Variants in NRP1 observed in about 807,000 individuals in gnomAD.
NRP1 encodes neuropilin-1.
A neutral mutation model predicts 106.7 loss-of-function variants in NRP1; 35 were observed. The observed-to-expected ratio is 0.33, with a 90% CI of 0.25 to 0.43. NRP1 has a LOEUF of 0.43. NRP1 is among the 20% of genes least tolerant of loss of function. NRP1 has a pLI of 1.00. For synonymous variants in NRP1, 437 were observed against 417.9 expected (o/e 1.05, Z -0.56); for missense variants, 1,024 against 1,170.4 (o/e 0.87, Z 1.83).
chr10:33,319,124 C>A (rs1212483498), intron 2 of NRP1, among the ~76,000 whole-genome samples: 2 of 151,430 alleles, frequency 1.3e-5, no homozygotes, highest in Non-Finnish European at 2.9e-5. Context: ...CCTGCCTCAG[C>A]CTCCCCAGTA....
Position 33,269,123 on chromosome 10 carries a change from C to T in NRP1, c.430+1552G>A, listed in dbSNP as rs544217500. 4.9e-4 allele frequency among the ~76,000 whole-genome samples: 75 copies of T among 152,204 alleles called. 1 individual carries two copies. The highest frequency in any genetic ancestry group is 1.7e-3 in the African/African-American group (69 of 41,536). Reference sequence around the variant, plus strand: ...GTATTCCAAGACAATACATTCAAATCTTGATCCTCTTTCCCTGGATTGGTT... The same window carrying T: ...GTATTCCAAGACAATACATTCAAATTTTGATCCTCTTTCCCTGGATTGGTT... On this transcript the variant is annotated intron_variant, in intron 3 of 16. Transcript: ENST00000374867.
rs367813664 is a variant in NRP1, at chr10:33,202,955, C to T, written c.1800G>A (p.Val600=). The T allele has an allele frequency of 2.0e-5, 33 of 1,614,162 alleles. No homozygotes were observed. The East Asian group carries it at 5.8e-4, about 28-fold the overall frequency. ...AGPTTPNGNL[V]DECDDDQANC... is the part of the protein sequence containing the mutation. ...TGGCCTGGTCGTCATCACATTCATC[C>T]ACCAAGTTCCCGTTGGGAGTGGTCG... The change falls in exon 11 of 17, where the codon GTG becomes GTA. Residue 600 remains valine (V), a synonymous_variant. Transcript: ENST00000374867.
chr10:33,193,910 T>A (rs1271051783), intron 12 of NRP1, among the ~76,000 whole-genome samples: 2 of 152,198 alleles, frequency 1.3e-5, no homozygotes, highest in East Asian at 3.9e-4. Flanking sequence ...GTTTGGATTC[T>A]CCCAATGATA....
chr10:33,267,669 G>T (rs1182465407), intron 3 of NRP1, among the ~76,000 whole-genome samples: 1 of 152,108 alleles, frequency 6.6e-6, no homozygotes. Flanking sequence ...AAGACCAAGG[G>T]AAGGATGGGA....
chr10:33,249,269 G>A, intron 6 of NRP1: 1 of 302,560 alleles, frequency 3.3e-6, no homozygotes, highest in Non-Finnish European at 6.5e-6. Flanking sequence ...TGCTTTGCGT[G>A]TCAATGGCTA....
Position 33,207,664 on chromosome 10 carries a change from G to A in NRP1, c.1667C>T (p.Ala556Val). Reference sequence around the variant, plus strand: ...GATCCTGATGAATCGCGTGGAGAGAGCTGGAAAAGTCCGCAGCTCAGGTGT... The same window carrying A: ...GATCCTGATGAATCGCGTGGAGAGAACTGGAAAAGTCCGCAGCTCAGGTGT... ...YDTPELRTFP[A>V]LSTRFIRIYP... Residue 556 changes from alanine to valine, a missense_variant, in exon 10 of 17, where the codon GCT becomes GTT. Physicochemically the swap from Ala to Val is moderately conservative, Grantham distance 64. Around this residue, in one of 5 missense-constraint regions of NRP1, gnomAD observed 562 missense variants for 620.3 expected, o/e 0.91. Coordinates refer to ENST00000374867, the MANE Select transcript of NRP1 (RefSeq NM_003873.7). 6.2e-7 allele frequency: 1 copy of A among 1,614,106 alleles called. No individual in the cohort carries two copies.
intron 2 of NRP1, among the ~76,000 whole-genome samples, chr10:33,279,930 A>G (rs1308567248): frequency 6.6e-6 from 1 of 152,160 alleles, no homozygotes; most frequent in Non-Finnish European, 1.5e-5. Flanking sequence ...CTCTGAGCCT[A>G]TAGGCATTGT....
intron 2 of NRP1, among the ~76,000 whole-genome samples, chr10:33,277,127 A>G (rs1003933100): frequency 6.6e-6 from 1 of 151,296 alleles, no homozygotes; most frequent in African/African-American, 2.4e-5. Flanking sequence ...AAAAAAAAAG[A>G]AAAAAAATTG....
At chr10:33,300,362 C>T (rs982998351) in intron 2 of NRP1, among the ~76,000 whole-genome samples, 26 of 152,232 alleles carry the variant, frequency 1.7e-4, no homozygotes, top group African/African-American at 5.3e-4. Context: ...TCAGAAAGAA[C>T]TCAGGTACAA....
At chr10:33,190,912 GGT>G (rs1483111745) in intron 13 of NRP1, among the ~76,000 whole-genome samples, 30 of 152,012 alleles carry the variant, frequency 2.0e-4, no homozygotes, top group Non-Finnish European at 3.4e-4. Flanking sequence ...GGAGTGCAAT[GGT>G]GTGATCATAG....
chr10:33,260,191 T>A (rs984076850), intron 4 of NRP1, among the ~76,000 whole-genome samples: 4 of 152,140 alleles, frequency 2.6e-5, no homozygotes. Context: ...AAATGAAGTA[T>A]TTTGAATAAT....
chr10:33,269,996 T>A (rs1240041181), intron 3 of NRP1, among the ~76,000 whole-genome samples: 1 of 152,172 alleles, frequency 6.6e-6, no homozygotes, highest in Admixed American at 6.5e-5. Context: ...GCACAATAAA[T>A]GTAATGCACT....
At position 33,214,839 on chromosome 10, in the gene NRP1, A is replaced by G. The variant is rs368544122; in HGVS notation, c.1283-1122T>C. Among the ~76,000 whole-genome samples, 22 of 152,306 alleles carry G rather than the reference A, an allele frequency of 1.4e-4. 2 individuals are homozygous for G. Among genetic ancestry groups the G allele is most frequent in the Admixed American group, 7.8e-4 (12 of 15,302 alleles). ...TGGAGATTGGGAGAGTTAGTGTTTC[A>G]TGGGTGCAGAGTTTCAGTCTGAGAC... On this transcript the variant is annotated intron_variant, in intron 8 of 16. Transcript: ENST00000374867.
intron 7 of NRP1, among the ~76,000 whole-genome samples, chr10:33,223,671 T>A (rs1271312181): frequency 6.6e-6 from 1 of 152,184 alleles, no homozygotes; most frequent in Non-Finnish European, 1.5e-5. Context: ...ATCTCTCTCT[T>A]GAGACGATCT....
chr10:33,275,083 C>A (rs1156526468), intron 2 of NRP1, among the ~76,000 whole-genome samples: 1 of 152,134 alleles, frequency 6.6e-6, no homozygotes, highest in East Asian at 1.9e-4. Flanking sequence ...CTAGGAGGAG[C>A]CAATTAGTCT....
At chr10:33,215,163 C>G (rs1838656737) in intron 8 of NRP1, among the ~76,000 whole-genome samples, 1 of 152,180 alleles carries the variant, frequency 6.6e-6, no homozygotes, top group African/African-American at 2.4e-5. Flanking sequence ...TTTTCTATTA[C>G]TGACAATACA....
intron 9 of NRP1, among the ~76,000 whole-genome samples, chr10:33,208,908 T>G (rs969394944): frequency 0.01 from 1,423 of 139,138 alleles, 6 homozygotes; most frequent in Non-Finnish European, 0.018. Flanking sequence ...CCTTTTTTTT[T>G]TTTTTTTTTT....
intron 6 of NRP1, among the ~76,000 whole-genome samples, chr10:33,251,285 T>C (rs1236981566): frequency 6.6e-6 from 1 of 152,214 alleles, no homozygotes. Context: ...GCTTCCCCTC[T>C]GCCATGATTC....
intron 2 of NRP1, among the ~76,000 whole-genome samples, chr10:33,324,861 C>T (rs1847777206): frequency 6.6e-6 from 1 of 152,266 alleles, no homozygotes; most frequent in Non-Finnish European, 1.5e-5. Flanking sequence ...TGGTTTCAGT[C>T]GAACTCCTGA....
Sources: gnomAD v4.1 joint callset for allele counts (sites outside exome capture counted in the v4.1 genomes callset) on GRCh38, gnomAD v4.1.1 for gene constraint, gnomAD v4.1.1 regional missense constraint, MANE v1.5 for transcripts, NCBI Gene and HGNC (gene_info 2026-07-23, HGNC 2026-07-21) for gene names.